The following BYSL variants were observed in gnomAD, a reference collection of about 807,000 sequenced individuals.
The protein encoded by BYSL is bystin like.
In BYSL, 21 loss-of-function variants were observed where a neutral mutation model predicts 45.4. The observed-to-expected ratio is 0.46, with a 90% CI of 0.33 to 0.67. BYSL has a LOEUF of 0.67. BYSL is among the 30% of genes least tolerant of loss of function. BYSL has a pLI of 0.02. For missense variants in BYSL, 522 were observed against 578.5 expected (o/e 0.90, Z 1.00); for synonymous variants, 215 against 231.3 (o/e 0.93, Z 0.64).
chr6:41,917,797 A>C (rs2127380933), upstream of BYSL: 1 of 471,278 alleles, frequency 2.1e-6, no homozygotes, highest in South Asian at 1.5e-5. Context: ...GTTTTTACCA[A>C]CTCTGTGAAC....
At position 41,932,479 on chromosome 6, in the gene BYSL, C is replaced by A; in HGVS notation, c.1087C>A (p.His363Asn). 1.2e-6 allele frequency: 2 copies of A among 1,614,208 alleles called. No homozygotes were observed. The highest frequency in any genetic ancestry group is 2.7e-5 in the African/African-American group (2 of 75,060). Residue 363 changes from histidine (H) to asparagine (N), a missense_variant, in exon 7 of 7, where the codon CAC becomes AAC. Transcript: ENST00000230340. This position sits in a 1 kb window ranked among gnomAD's most constrained non-coding sequence, Gnocchi z 4.7. ...PYRVLDALVF[H>N]FLGFRTEKRE... ...CCGGGTGCTGGATGCCCTAGTCTTC[C>A]ACTTCCTGGGGTTCCGGACAGAGAA...
intron 1 of BYSL, among the ~76,000 whole-genome samples, chr6:41,925,927 A>G (rs973678471): frequency 1.4e-5 from 2 of 143,962 alleles, no homozygotes; most frequent in African/African-American, 5.2e-5. Context: ...CTCATGATCC[A>G]CCCGCCTTGG....
chr6:41,931,744 G>T lies in BYSL; in HGVS notation c.882G>T (p.Leu294=). The part of the protein sequence containing the change: ...GAWFKGILIP[L]CESGTCTLRE... ...TCTCCCTAGGGATCCTGATTCCACT[G>T]TGCGAGTCTGGCACTTGTACCCTCC... Residue 294 remains leucine (L), a synonymous_variant, in exon 6 of 7, where the codon CTG becomes CTT. Coordinates refer to ENST00000230340, the MANE Select transcript of BYSL (RefSeq NM_004053.4). The T allele has an allele frequency of 1.2e-6, 2 of 1,614,122 alleles. No homozygotes were observed. The highest frequency in any genetic ancestry group is 1.7e-6 in the Non-Finnish European group (2 of 1,180,010).
At chr6:41,918,908 C>G (rs1169429616), upstream of BYSL, among the ~76,000 whole-genome samples, 1 of 141,350 alleles carries the variant, frequency 7.1e-6, no homozygotes, top group Non-Finnish European at 1.5e-5. Flanking sequence ...GATTGCGCCA[C>G]TGCAGTCCGC....
upstream of BYSL, chr6:41,917,339 G>T (rs1431101498): frequency 5.8e-6 from 1 of 172,976 alleles, no homozygotes; most frequent in Non-Finnish European, 1.3e-5. Flanking sequence ...GGCCGAGACT[G>T]CAGTAAGCCG....
upstream of BYSL, among the ~76,000 whole-genome samples, chr6:41,918,673 C>T (rs565417492): frequency 9.9e-5 from 15 of 151,864 alleles, no homozygotes; most frequent in Non-Finnish European, 1.3e-4. Context: ...AATGGCCGGG[C>T]GCGGTGGCTC....
At chr6:41,924,511 G>T (rs1274000001) in intron 1 of BYSL, among the ~76,000 whole-genome samples, 1 of 152,234 alleles carries the variant, frequency 6.6e-6, no homozygotes, top group Admixed American at 6.5e-5. Context: ...ATAGAACAAA[G>T]TCTTTTGGTT....
upstream of BYSL, among the ~76,000 whole-genome samples, chr6:41,918,875 A>G (rs1007846073): frequency 3.4e-5 from 5 of 149,088 alleles, no homozygotes; most frequent in Non-Finnish European, 7.4e-5. Context: ...TGAACCCGGG[A>G]AGCGGAGCTT....
In BYSL at chr6:41,932,812, G is replaced by C; in HGVS notation, c.*106G>C. 8.4e-7 allele frequency: 1 copy of C among 1,191,292 alleles called. No homozygotes were observed. Among genetic ancestry groups the C allele is most frequent in the Non-Finnish European group, 1.2e-6 (1 of 861,148 alleles). The allele number at this position is 1,191,292 out of a possible 1,614,324, so 73.8% of individuals were successfully genotyped here. On this transcript the variant is annotated 3_prime_UTR_variant, in exon 7 of 7. Transcript: ENST00000230340. This position sits in a 1 kb window ranked among gnomAD's most constrained non-coding sequence, Gnocchi z 4.7. ...TTTAATGGCTGAAGACCCAGATCAG[G>C]GCAGTGACAGATCACAGGGACATCT...
chr6:41,931,684 T>C, intron 5 of BYSL, 44 bp from the exon 6 acceptor site: 1 of 1,608,030 alleles, frequency 6.2e-7, no homozygotes. Context: ...TAACTCCTTT[T>C]TCTCATCCTG....
the BYSL span, among the ~76,000 whole-genome samples, chr6:41,910,647 A>G: frequency 6.6e-6 from 1 of 151,686 alleles, no homozygotes; most frequent in East Asian, 1.9e-4. Flanking sequence ...AAAAAAAAGA[A>G]AAAAAAAGGT....
At chr6:41,912,194 C>A in the BYSL span, among the ~76,000 whole-genome samples, 1 of 148,118 alleles carries the variant, frequency 6.8e-6, no homozygotes, top group South Asian at 2.1e-4. Flanking sequence ...GACCACCATG[C>A]CCACCTTTTT....
rs1194783090 is a variant in BYSL, at chr6:41,932,776, T to C, written c.*70T>C. On this transcript the variant is annotated 3_prime_UTR_variant, in exon 7 of 7. Coordinates refer to ENST00000230340, the MANE Select transcript of BYSL (RefSeq NM_004053.4). The surrounding 1 kb of genome is among the most constrained non-coding windows in gnomAD (Gnocchi z 4.7). ...CAAGACCCCCGTTGGTGACTGAAGA[T>C]GACACTGAGCTTTAATGGCTGAAGA... 2.7e-6 allele frequency: 4 copies of C among 1,477,914 alleles called. No individual in the cohort carries two copies. The Admixed American group carries it at 8.0e-5, about 30-fold the overall frequency. The allele number at this position is 1,477,914 out of a possible 1,614,324, so 91.6% of individuals were successfully genotyped here. A position where few individuals can be genotyped will look rare whatever the true frequency, so the allele number is the denominator to read the frequency against.
At chr6:41,924,665 C>A (rs1186977837) in intron 1 of BYSL, among the ~76,000 whole-genome samples, 1 of 152,148 alleles carries the variant, frequency 6.6e-6, no homozygotes, top group African/African-American at 2.4e-5. Context: ...ATTTTAAAAC[C>A]ATCCTAACAG....
chr6:41,927,574 A>G, intron 2 of BYSL, 38 bp downstream of exon 2: 1 of 1,603,826 alleles, frequency 6.2e-7, no homozygotes, highest in South Asian at 1.1e-5. Context: ...TCCTTGTAGA[A>G]AGTTCCCACA....
Position 41,932,389 on chromosome 6 carries a change from G to C in BYSL, c.997G>C (p.Glu333Gln). 1 of 1,612,720 alleles carries C rather than the reference G, an allele frequency of 6.2e-7. No individual in the cohort carries two copies. Among genetic ancestry groups the C allele is most frequent in the East Asian group, 2.2e-5 (1 of 44,872 alleles). Residue 333 changes from glutamate to glutamine, a missense_variant, in exon 7 of 7, where the codon GAA becomes CAA. Transcript: ENST00000230340. This position sits in a 1 kb window ranked among gnomAD's most constrained non-coding sequence, Gnocchi z 4.7. ...GGCCATGCTGAAAATTGCTGAGATG[G>C]AATACAGCGGTGCCAACAGCATCTT... ...SAAMLKIAEM[E>Q]YSGANSIFLR...
the BYSL span, among the ~76,000 whole-genome samples, chr6:41,911,069 A>G: frequency 0.13 from 18,943 of 149,688 alleles, 1,375 homozygotes; most frequent in East Asian, 0.25. Flanking sequence ...AGATCGTGCC[A>G]CTGCACTCCA....
At chr6:41,925,884 C>T (rs1303858629) in intron 1 of BYSL, among the ~76,000 whole-genome samples, 2 of 152,068 alleles carry the variant, frequency 1.3e-5, no homozygotes, top group East Asian at 3.9e-4. Context: ...CGGGGCTTCT[C>T]CCTGTTAGTC....
intron 1 of BYSL, among the ~76,000 whole-genome samples, chr6:41,923,471 A>G (rs1338051124): frequency 2.6e-5 from 4 of 151,718 alleles, no homozygotes; most frequent in Admixed American, 2.0e-4. Flanking sequence ...TAATTTTTGT[A>G]TTTTCAGTAG....
Sources: allele counts gnomAD v4.1 joint callset (sites outside exome capture counted in the v4.1 genomes callset), GRCh38; gene constraint gnomAD v4.1.1; non-coding constraint Gnocchi (gnomAD v3.1); transcripts MANE v1.5; gene names NCBI Gene and HGNC (gene_info 2026-07-23, HGNC 2026-07-21).